Variants in PVT1 observed in about 807,000 individuals in gnomAD.
PVT1 encodes CXCR4/PVT1 fusion.
At chr8:127,911,255 C>T (rs1423200858) in intron 3 of PVT1, among the ~76,000 whole-genome samples, 4 of 152,194 alleles carry the variant, frequency 2.6e-5, no homozygotes, top group Admixed American at 1.3e-4. Context: ...CTGTAGTGTT[C>T]CTTTGTTCTG....
intron 3 of PVT1, among the ~76,000 whole-genome samples, chr8:127,920,112 A>C: frequency 6.6e-6 from 1 of 152,170 alleles, no homozygotes; most frequent in East Asian, 1.9e-4. Flanking sequence ...CTTGCCTAGG[A>C]CAGCAAAAGT....
chr8:128,040,297 A>T (rs1391210567), intron 4 of PVT1, among the ~76,000 whole-genome samples: 1 of 152,248 alleles, frequency 6.6e-6, no homozygotes, highest in Non-Finnish European at 1.5e-5. Context: ...GAGTAAAAAG[A>T]CTGAGGAAAT....
chr8:127,956,518 C>T (rs1816571001), intron 3 of PVT1, among the ~76,000 whole-genome samples: 1 of 152,258 alleles, frequency 6.6e-6, no homozygotes, highest in Non-Finnish European at 1.5e-5. Flanking sequence ...CGAAGTCTCG[C>T]TCTGTTGCCA....
chr8:127,943,758 G>A (rs1415857332), intron 3 of PVT1, among the ~76,000 whole-genome samples: 1 of 152,200 alleles, frequency 6.6e-6, no homozygotes, highest in Non-Finnish European at 1.5e-5. Flanking sequence ...TAGGGCTGAC[G>A]TGGGCTCTTC....
chr8:127,971,392 G>A (rs181620059), intron 3 of PVT1, among the ~76,000 whole-genome samples: 30 of 152,358 alleles, frequency 2.0e-4, no homozygotes, highest in Admixed American at 5.2e-4. Flanking sequence ...GCTTAGAGAG[G>A]TTTCCAAGAG....
intron 2 of PVT1, among the ~76,000 whole-genome samples, chr8:127,798,734 G>A (rs1449748296): frequency 2.8e-5 from 4 of 145,182 alleles, no homozygotes; most frequent in South Asian, 2.2e-4. Flanking sequence ...AAATTAGCCC[G>A]GCGTGGTGGC....
chr8:128,034,054 T>G (rs964516860), intron 4 of PVT1, among the ~76,000 whole-genome samples: 20 of 150,384 alleles, frequency 1.3e-4, no homozygotes, highest in African/African-American at 4.9e-4. Context: ...CCATCTGCAC[T>G]TCTGCACCTT....
intron 2 of PVT1, among the ~76,000 whole-genome samples, chr8:127,819,128 G>A (rs924714137): frequency 1.3e-5 from 2 of 152,178 alleles, no homozygotes; most frequent in African/African-American, 4.8e-5. Flanking sequence ...ACTGGTACTG[G>A]GGCTATAGCA....
intron 3 of PVT1, among the ~76,000 whole-genome samples, chr8:127,966,753 C>T (rs1816706995): frequency 6.6e-6 from 1 of 152,322 alleles, no homozygotes; most frequent in Non-Finnish European, 1.5e-5. Context: ...TATGTCAGCG[C>T]TGTAAAAGTC....
intron 3 of PVT1, among the ~76,000 whole-genome samples, chr8:127,986,695 T>C (rs985820363): frequency 6.6e-6 from 1 of 152,188 alleles, no homozygotes; most frequent in Non-Finnish European, 1.5e-5. Flanking sequence ...GTTCAGTGTT[T>C]TGAGGTGGGG....
At chr8:128,035,450 G>A (rs1036386050) in intron 4 of PVT1, among the ~76,000 whole-genome samples, 1 of 152,194 alleles carries the variant, frequency 6.6e-6, no homozygotes, top group African/African-American at 2.4e-5. Flanking sequence ...GGGGCCAAGG[G>A]ATGGAATGCT....
chr8:127,995,422 T>G (rs2130006083), intron 4 of PVT1, among the ~76,000 whole-genome samples: 1 of 152,366 alleles, frequency 6.6e-6, no homozygotes, highest in South Asian at 2.1e-4. Flanking sequence ...TTTTGCTCTT[T>G]GAAACCTATT....
At chr8:128,097,711 C>T (rs1032429715) in intron 6 of PVT1, among the ~76,000 whole-genome samples, 10 of 152,142 alleles carry the variant, frequency 6.6e-5, no homozygotes, top group African/African-American at 1.7e-4. Context: ...AGGTTTAACT[C>T]GTTTACCTGA....
chr8:128,011,548 T>A (rs1817315090), intron 4 of PVT1, among the ~76,000 whole-genome samples: 1 of 152,212 alleles, frequency 6.6e-6, no homozygotes, highest in African/African-American at 2.4e-5. Context: ...ACTAGCACCT[T>A]GATCTTGCAC....
chr8:127,871,918 G>A (rs1372541784), intron 2 of PVT1, among the ~76,000 whole-genome samples: 8 of 151,802 alleles, frequency 5.3e-5, no homozygotes, highest in Non-Finnish European at 8.8e-5. Context: ...GCAAAACCCC[G>A]TCTCCACTAA....
intron 4 of PVT1, among the ~76,000 whole-genome samples, chr8:128,040,351 C>G (rs574572738): frequency 6.6e-6 from 1 of 152,194 alleles, no homozygotes; most frequent in African/African-American, 2.4e-5. Flanking sequence ...GGACTCAAGC[C>G]GCAGTATCAG....
chr8:128,019,287 A>G lies in PVT1; in HGVS notation n.912+29996A>G, dbSNP rs188209002. Reference sequence around the variant, plus strand: ...ATTAAAAATTGCTATAATTGCACCAATCTTAAAAATTAATAATATAAAGAC... The same window carrying G: ...ATTAAAAATTGCTATAATTGCACCAGTCTTAAAAATTAATAATATAAAGAC... On this transcript the variant is annotated intron_variant and non_coding_transcript_variant, in intron 4 of 10. Coordinates refer to ENST00000651587, the Ensembl canonical transcript of PVT1. 9.2e-5 allele frequency among the ~76,000 whole-genome samples: 14 copies of G among 152,376 alleles called. No individual in the cohort carries two copies. In the East Asian group the frequency reaches 2.5e-3, roughly 27 times the overall value.
chr8:128,083,424 C>T (rs997504720), intron 5 of PVT1, among the ~76,000 whole-genome samples: 2 of 152,212 alleles, frequency 1.3e-5, no homozygotes, highest in Non-Finnish European at 2.9e-5. Flanking sequence ...TACTGAGGCT[C>T]ATAGAGCATG....
rs544447876 is a variant in PVT1 at position 127,983,317 on chromosome 8, G to T, written n.783-5845G>T. On this transcript the variant is annotated intron_variant and non_coding_transcript_variant, in intron 3 of 10. Coordinates refer to ENST00000651587, the Ensembl canonical transcript of PVT1. ...AGGTGGTGGTTCAAATGAAATTTCA[G>T]CCTTACCCTTTGTAGTTTTCTACGT... Among the ~76,000 whole-genome samples the T allele has an allele frequency of 2.0e-5, 3 of 152,270 alleles. No homozygotes were observed. The East Asian group carries it at 5.8e-4, about 29-fold the overall frequency.
Sources: gnomAD v4.1 joint callset for allele counts (sites outside exome capture counted in the v4.1 genomes callset) on GRCh38, gnomAD v4.1.1 for gene constraint, MANE v1.5 for transcripts, NCBI Gene and HGNC (gene_info 2026-07-23, HGNC 2026-07-21) for gene names.